The following KCMF1 variants were observed in gnomAD, a reference collection of about 807,000 sequenced individuals.
KCMF1 encodes the protein potassium channel modulatory factor 1.
In KCMF1, 3 loss-of-function variants were observed where a neutral mutation model predicts 41.1. The observed-to-expected ratio is 0.07, with a 90% confidence interval of 0.03 to 0.19. KCMF1 has a LOEUF of 0.19. Among genes scored for constraint, KCMF1 ranks in the 10% least tolerant of loss-of-function variants. KCMF1 has a pLI of 1.00. For missense variants in KCMF1, 286 were observed against 488.9 expected (o/e 0.58, Z 3.91); for synonymous variants, 142 against 164.5 (o/e 0.86, Z 1.04).
In KCMF1 at chr2:85,054,221, T is replaced by C. The variant is rs1307700996; in HGVS notation, c.*812T>C. 6.6e-6 allele frequency: 1 copy of C among 152,278 alleles called. No homozygotes were observed. Among genetic ancestry groups the C allele is most frequent in the East Asian group, 1.9e-4 (1 of 5,208 alleles). 9.4% of individuals were successfully genotyped at this position (152,278 alleles called of 1,614,324 possible). On this transcript the variant is annotated 3_prime_UTR_variant, in exon 7 of 7. Coordinates refer to ENST00000409785, the MANE Select transcript of KCMF1 (RefSeq NM_020122.5). ...TTGTGGTTGTTTAAAATTTTTTCAA[T>C]TGTTAAATATGTTTTATTCAGGTGT...
At chr2:85,000,096 T>A (rs1008540702) in intron 1 of KCMF1, among the ~76,000 whole-genome samples, 1 of 152,140 alleles carries the variant, frequency 6.6e-6, no homozygotes, top group Non-Finnish European at 1.5e-5. Flanking sequence ...ACAACATAGA[T>A]TTCTACCTAT....
intron 1 of KCMF1, among the ~76,000 whole-genome samples, chr2:84,972,673 A>T (rs1254849410): frequency 6.6e-6 from 1 of 152,206 alleles, no homozygotes; most frequent in Non-Finnish European, 1.5e-5. Context: ...TTCTTTGGGA[A>T]ATACGGACCT....
At chr2:85,052,483 T>G (rs1675831740) in intron 6 of KCMF1, among the ~76,000 whole-genome samples, 1 of 152,154 alleles carries the variant, frequency 6.6e-6, no homozygotes, top group South Asian at 2.1e-4. Flanking sequence ...ATCAAGAAAT[T>G]TGTCTAGTCT....
intron 1 of KCMF1, among the ~76,000 whole-genome samples, chr2:85,024,031 TTC>T (rs996486950): frequency 5.3e-5 from 8 of 152,220 alleles, no homozygotes; most frequent in Non-Finnish European, 1.2e-4. Context: ...TTTGACAGGT[TTC>T]TCCATTTTTC....
At chr2:85,032,357 T>A (rs1350009136) in intron 2 of KCMF1, among the ~76,000 whole-genome samples, 2 of 147,754 alleles carry the variant, frequency 1.4e-5, no homozygotes, top group East Asian at 1.9e-4. Context: ...TTTTTATTTT[T>A]ATTTTATTTT....
chr2:85,022,564 C>G (rs1439410266), intron 1 of KCMF1, among the ~76,000 whole-genome samples: 1 of 152,114 alleles, frequency 6.6e-6, no homozygotes, highest in African/African-American at 2.4e-5. Flanking sequence ...ACAATTCCAG[C>G]TTTGCTTTCT....
chr2:84,988,785 T>C (rs1044868902), intron 1 of KCMF1, among the ~76,000 whole-genome samples: 1 of 152,206 alleles, frequency 6.6e-6, no homozygotes, highest in African/African-American at 2.4e-5. Flanking sequence ...CATGTTTAGT[T>C]GAGAAGCCAT....
intron 6 of KCMF1, 61 bp downstream of exon 6, chr2:85,049,709 G>T: frequency 7.6e-7 from 1 of 1,318,530 alleles, no homozygotes; most frequent in Non-Finnish European, 1.1e-6. Context: ...ACTACAGTCT[G>T]GAATTATCTT....
At chr2:85,051,551 G>A (rs1368668206) in intron 6 of KCMF1, among the ~76,000 whole-genome samples, 1 of 152,060 alleles carries the variant, frequency 6.6e-6, no homozygotes, top group African/African-American at 2.4e-5. Context: ...TGTGGATTCT[G>A]GTTGTAGCTT....
chr2:85,003,606 A>T (rs1289280978), intron 1 of KCMF1, among the ~76,000 whole-genome samples: 4 of 151,200 alleles, frequency 2.6e-5, no homozygotes, highest in African/African-American at 9.7e-5. Context: ...TATTTTTTTT[A>T]TTTTTAATTT....
At chr2:85,050,965 T>G (rs984868448) in intron 6 of KCMF1, among the ~76,000 whole-genome samples, 3 of 152,198 alleles carry the variant, frequency 2.0e-5, no homozygotes, top group African/African-American at 7.2e-5. Context: ...AAACCTCAAT[T>G]TTATCATCAG....
chr2:84,972,890 G>T (rs1475486119), intron 1 of KCMF1, among the ~76,000 whole-genome samples: 1 of 152,178 alleles, frequency 6.6e-6, no homozygotes, highest in Non-Finnish European at 1.5e-5. Flanking sequence ...CAAGTGTTGG[G>T]CATTTTGAAA....
intron 1 of KCMF1, among the ~76,000 whole-genome samples, chr2:85,000,890 C>T (rs2103989746): frequency 6.6e-6 from 1 of 151,258 alleles, no homozygotes; most frequent in African/African-American, 2.4e-5. Context: ...GCAATCCTCC[C>T]ACCTCAGCAT....
intron 3 of KCMF1, among the ~76,000 whole-genome samples, chr2:85,038,790 A>AAT (rs1489988846): frequency 6.6e-6 from 1 of 152,222 alleles, no homozygotes; most frequent in African/African-American, 2.4e-5. Flanking sequence ...TGGCATAATA[A>AAT]GCCTGGGTGT....
intron 3 of KCMF1, among the ~76,000 whole-genome samples, chr2:85,037,584 A>G (rs1675432736): frequency 6.6e-6 from 1 of 152,088 alleles, no homozygotes; most frequent in South Asian, 2.1e-4. Flanking sequence ...TCACCCCTCA[A>G]TGTTTTGCAT....
intron 1 of KCMF1, among the ~76,000 whole-genome samples, chr2:84,977,566 G>T (rs1288987460): frequency 6.6e-6 from 1 of 151,634 alleles, no homozygotes; most frequent in Non-Finnish European, 1.5e-5. Context: ...GACCACAGGT[G>T]TGCGCCCCAC....
chr2:85,022,108 C>T (rs1314622988), intron 1 of KCMF1, among the ~76,000 whole-genome samples: 16 of 152,066 alleles, frequency 1.1e-4, no homozygotes, highest in African/African-American at 2.7e-4. Context: ...TGAGCCACCA[C>T]GCCCGGCCTG....
chr2:85,016,549 C>A (rs1674774407), intron 1 of KCMF1, among the ~76,000 whole-genome samples: 1 of 152,066 alleles, frequency 6.6e-6, no homozygotes, highest in Admixed American at 6.6e-5. Flanking sequence ...GATCTAGGCT[C>A]CCAGTTTATG....
chr2:85,010,318 A>C (rs944511551), intron 1 of KCMF1, among the ~76,000 whole-genome samples: 2 of 151,984 alleles, frequency 1.3e-5, no homozygotes, highest in African/African-American at 4.8e-5. Flanking sequence ...AAAACACAAA[A>C]ATTAGCTGGG....
Sources: gnomAD v4.1 joint callset for allele counts (sites outside exome capture counted in the v4.1 genomes callset) on GRCh38, gnomAD v4.1.1 for gene constraint, MANE v1.5 for transcripts, NCBI Gene and HGNC (gene_info 2026-07-23, HGNC 2026-07-21) for gene names.